Variants in BRCA2 observed in about 807,000 individuals in gnomAD.
The protein encoded by BRCA2 is BRCA2 DNA repair associated.
Under a neutral mutation model 276.7 loss-of-function variants are expected in BRCA2, and 203 were observed. The ratio of observed to expected loss-of-function variants is 0.73; its 90% CI spans 0.65 to 0.82. BRCA2 has a LOEUF of 0.82. Among genes scored for constraint, BRCA2 ranks in the 40% least tolerant of loss-of-function variants. The pLI is 0.00. For synonymous variants in BRCA2, 1,289 were observed against 1,338.4 expected (o/e 0.96, Z 0.81); for missense variants, 3,920 against 3,915.0 (o/e 1.00, Z -0.03).
rs56331088 is a variant in BRCA2 at position 32,336,845 on chromosome 13, C to T, written c.2490C>T (p.Asn830=). 97 of 1,605,130 alleles carry T rather than the reference C, an allele frequency of 6.0e-5. No homozygotes were observed. In the East Asian group the frequency reaches 1.9e-3, roughly 32 times the overall value. ...GTGCTTTAAATGAAAATTATAAAAACGTTGAGCTGTTGCCACCTGAAAAAT... is the reference window on the plus strand; with the variant it reads ...GTGCTTTAAATGAAAATTATAAAAATGTTGAGCTGTTGCCACCTGAAAAAT... ...DVCALNENYK[N]VELLPPEKYM... is the part of the protein sequence containing the mutation. The change falls in exon 11 of 27, where the codon AAC becomes AAT. Residue 830 remains asparagine, a synonymous_variant. Transcript: ENST00000380152.
rs80358885 is a variant in BRCA2, at chr13:32,340,887, C to G, written c.6532C>G (p.His2178Asp). 1.2e-6 allele frequency: 2 copies of G among 1,605,998 alleles called. No individual in the cohort carries two copies. Among genetic ancestry groups the G allele is most frequent in the Non-Finnish European group, 1.7e-6 (2 of 1,178,044 alleles). Residue 2178 changes from histidine to aspartate, a missense_variant, in exon 11 of 27, where the codon CAT becomes GAT. Physicochemically the swap from His to Asp is moderately conservative, Grantham distance 81. This residue lies in a region of BRCA2 where 3,263 missense variants were observed against 3,156.9 expected (regional missense o/e 1.03). Transcript: ENST00000380152. The part of the protein sequence containing the change: ...GTKVSLVENI[H>D]VLGKEQASPK... The stretch of plus-strand genomic sequence containing the variant: ...CAAAGTGTCACTTGTTGAGAACATT[C>G]ATGTTTTGGGAAAAGAACAGGCTTC...
chr13:32,380,231 C>G (rs2137626350), intron 24 of BRCA2, 86 bp downstream of exon 24: 1 of 1,412,574 alleles, frequency 7.1e-7, no homozygotes, highest in Middle Eastern at 2.3e-4. Context: ...TTGGAGCTAC[C>G]AGTTGGCAAA....
intron 16 of BRCA2, among the ~76,000 whole-genome samples, chr13:32,361,569 TAG>T (rs754329531): frequency 5.3e-5 from 8 of 151,960 alleles, no homozygotes; most frequent in Non-Finnish European, 1.2e-4. Flanking sequence ...CATTGTTCAG[TAG>T]AGAGGGAAAA....
chr13:32,337,684 A>T lies in BRCA2; in HGVS notation c.3329A>T (p.Glu1110Val), dbSNP rs587782072. The T allele has an allele frequency of 2.5e-6, 4 of 1,598,748 alleles. No homozygotes were observed. Among genetic ancestry groups the T allele is most frequent in the Non-Finnish European group, 3.4e-6 (4 of 1,173,862 alleles). Residue 1110 changes from glutamate (E) to valine (V), a missense_variant, in exon 11 of 27, where the codon GAA becomes GTA. Coordinates refer to ENST00000380152, the MANE Select transcript of BRCA2 (RefSeq NM_000059.4). ...AATTTAACACCTAGCCAAAAGGCAG[A>T]AATTACAGAACTTTCTACTATATTA... ...NHNLTPSQKA[E>V]ITELSTILEE...
At position 32,370,487 on chromosome 13, in the gene BRCA2, C is replaced by T. The variant is rs587782785; in HGVS notation, c.8417C>T (p.Ser2806Leu). The T allele has an allele frequency of 1.1e-4, 184 of 1,613,932 alleles. 2 individuals are homozygous for T. In the South Asian group the frequency reaches 1.9e-3, roughly 17 times the overall value. Residue 2806 changes from serine (S) to leucine (L), a missense_variant, in exon 19 of 27, where the codon TCA (serine) becomes TTA (leucine). Ser to Leu is a moderately radical substitution (Grantham distance 145). Around this residue, in one of 2 missense-constraint regions of BRCA2, gnomAD observed 657 missense variants for 758.2 expected, o/e 0.87. Transcript: ENST00000380152. ...PDPRPFPLPL[S>L]SLFSDGGNVG... ...CCTAGACCTTTTCCTCTGCCCTTAT[C>T]ATCGCTTTTCAGTGATGGAGGAAAT...
chr13:32,325,049 T>G (rs781377719), intron 3 of BRCA2, 27 bp from the exon 4 acceptor site: 1 of 1,441,124 alleles, frequency 6.9e-7, no homozygotes, highest in Non-Finnish European at 9.8e-7. Flanking sequence ...GTATATACAT[T>G]CTCACTGAAT....
rs398122722 is a variant in BRCA2, at chr13:32,332,544, T to A, written c.1066T>A (p.Ser356Thr). ...NQVKEKYSFV[S>T]EVEPNDTDPL... is the part of the protein sequence containing the mutation. ...AGTGAAAGAAAAATACTCATTTGTA[T>A]CTGAAGTGGAACCAAATGATACTGA... The change falls in exon 10 of 27, where the codon TCT (serine) becomes ACT (threonine). Residue 356 changes from serine to threonine, a missense_variant. By Grantham distance (58) the Ser-to-Thr change is moderately conservative. Transcript: ENST00000380152. 6.2e-7 allele frequency: 1 copy of A among 1,612,996 alleles called. No individual in the cohort carries two copies. Among genetic ancestry groups the A allele is most frequent in the Admixed American group, 1.7e-5 (1 of 59,830 alleles).
chr13:32,353,011 A>G (rs1310341421), intron 13 of BRCA2, among the ~76,000 whole-genome samples: 6 of 152,240 alleles, frequency 3.9e-5, no homozygotes, highest in Admixed American at 3.9e-4. Flanking sequence ...TAAAAGATCA[A>G]TCAATAGAAG....
intron 24 of BRCA2, among the ~76,000 whole-genome samples, chr13:32,383,710 G>A (rs1156491576): frequency 2.0e-5 from 3 of 152,112 alleles, no homozygotes; most frequent in Non-Finnish European, 4.4e-5. Context: ...ATTAGAAGAC[G>A]TGGATCAATG....
At position 32,380,051 on chromosome 13, in the gene BRCA2, C is replaced by T. The variant is rs778426874; in HGVS notation, c.9162C>T (p.Pro3054=). Residue 3054 remains proline, a synonymous_variant, in exon 24 of 27, where the codon CCC becomes CCT. Transcript: ENST00000380152. The part of the protein sequence containing the change: ...ILFQIYQPRE[P]LHFSKFLDPD... Reference sequence around the variant, plus strand: ...TTCAGATTTACCAGCCACGGGAGCCCCTTCACTTCAGCAAATTTTTAGATC... The same window carrying T: ...TTCAGATTTACCAGCCACGGGAGCCTCTTCACTTCAGCAAATTTTTAGATC... The T allele has an allele frequency of 1.2e-6, 2 of 1,614,040 alleles. No individual in the cohort carries two copies. The highest frequency in any genetic ancestry group is 1.7e-6 in the Non-Finnish European group (2 of 1,179,988).
At position 32,332,182 on chromosome 13, in the gene BRCA2, A is replaced by G. The variant is rs81002791; in HGVS notation, c.794-90A>G. 82 of 1,275,934 alleles carry G rather than the reference A, an allele frequency of 6.4e-5. No homozygotes were observed. The highest frequency in any genetic ancestry group is 8.3e-5 in the Non-Finnish European group (77 of 924,002). The allele number at this position is 1,275,934 out of a possible 1,614,324, so 79.0% of individuals were successfully genotyped here. A position where few individuals can be genotyped will look rare whatever the true frequency, so the allele number is the denominator to read the frequency against. Reference sequence around the variant, plus strand: ...ATATGTAATATTTAGCACATTCTACATAAACTGTTTCTATGAGAAAGGTTG... The same window carrying G: ...ATATGTAATATTTAGCACATTCTACGTAAACTGTTTCTATGAGAAAGGTTG... On this transcript the variant is annotated intron_variant, in intron 9 of 26. Transcript: ENST00000380152.
rs1555283400 is a variant in BRCA2 at position 32,338,155 on chromosome 13, A to G, written c.3800A>G (p.Asp1267Gly). The change falls in exon 11 of 27, where the codon GAT (aspartate) becomes GGT (glycine). Residue 1267 changes from aspartate (D) to glycine (G), a missense_variant. Physicochemically the swap from Asp to Gly is moderately conservative, Grantham distance 94. Coordinates refer to ENST00000380152, the MANE Select transcript of BRCA2 (RefSeq NM_000059.4). ...AGTTTATCTTCAAGTAAATGTCATG[A>G]TTCTGTTGTTTCAATGTTTAAGATA... ...PISLSSSKCH[D>G]SVVSMFKIEN... The G allele has an allele frequency of 6.3e-7, 1 of 1,596,448 alleles. No homozygotes were observed. The highest frequency in any genetic ancestry group is 2.2e-5 in the East Asian group (1 of 44,766).
rs1301902979 is a variant in BRCA2 at position 32,336,208 on chromosome 13, T to A, written c.1910-57T>A. The A allele has an allele frequency of 3.3e-6, 5 of 1,536,342 alleles. No individual in the cohort carries two copies. The East Asian group carries it at 1.1e-4, about 34-fold the overall frequency. On this transcript the variant is annotated intron_variant, in intron 10 of 26. Transcript: ENST00000380152. ...TACCTTTTTAACTTAGTGAAAAATA[T>A]TTAGTGAATGTGATTGATGGTACTT...
At chr13:32,318,977 A>G in intron 2 of BRCA2, 100 bp from the exon 3 acceptor site, 1 of 1,477,006 alleles carries the variant, frequency 6.8e-7, no homozygotes. Context: ...ATCCATAGTC[A>G]AGATCTTAAG....
At position 32,340,768 on chromosome 13, in the gene BRCA2, T is replaced by A. The variant is rs80358877; in HGVS notation, c.6413T>A (p.Val2138Asp). ...TTTAAATTATCAAATAACTTAAATG[T>A]TGAAGGTGGTTCTTCAGAAAATAAT... is the stretch of plus-strand genomic sequence containing the variant. ...KEFKLSNNLN[V>D]EGGSSENNHS... Residue 2138 changes from valine (V) to aspartate (D), a missense_variant, in exon 11 of 27, where the codon GTT (valine) becomes GAT (aspartate). Transcript: ENST00000380152. 9 of 1,598,050 alleles carry A rather than the reference T, an allele frequency of 5.6e-6. No homozygotes were observed. In the Admixed American group the frequency reaches 1.6e-4, roughly 29 times the overall value.
rs766080516 is a variant in BRCA2 at position 32,356,501 on chromosome 13, C to T, written c.7509C>T (p.Val2503=). Residue 2503 remains valine, a synonymous_variant, in exon 15 of 27, where the codon GTC becomes GTT. Coordinates refer to ENST00000380152, the MANE Select transcript of BRCA2 (RefSeq NM_000059.4). The part of the protein sequence containing the change: ...MRIKKKQRQR[V]FPQPGSLYLA... ...TTAAGAAGAAACAAAGGCAACGCGTCTTTCCACAGCCAGGCAGTCTGTATC... is the reference window on the plus strand; with the variant it reads ...TTAAGAAGAAACAAAGGCAACGCGTTTTTCCACAGCCAGGCAGTCTGTATC... 2 of 1,614,236 alleles carry T rather than the reference C, an allele frequency of 1.2e-6. No individual in the cohort carries two copies. The highest frequency in any genetic ancestry group is 1.7e-5 in the Admixed American group (1 of 60,030).
At chr13:32,336,182 C>T (rs2137481264) in intron 10 of BRCA2, 83 bp from the exon 11 acceptor site, 1 of 1,451,264 alleles carries the variant, frequency 6.9e-7, no homozygotes, top group Non-Finnish European at 9.3e-7. Context: ...TGCCCAAACA[C>T]TACCTTTTTA....
chr13:32,379,720 A>G (rs778141646), intron 22 of BRCA2, 30 bp from the exon 23 acceptor site: 1 of 1,596,714 alleles, frequency 6.3e-7, no homozygotes, highest in Non-Finnish European at 8.6e-7. Context: ...CACTTCTTCC[A>G]TTGCATCTTT....
chr13:32,355,414 A>T, intron 14 of BRCA2, 126 bp downstream of exon 14: 1 of 1,086,088 alleles, frequency 9.2e-7, no homozygotes, highest in Non-Finnish European at 1.3e-6. Flanking sequence ...AATGTTTTAG[A>T]TTTTCTAAAT....
Sources: allele counts gnomAD v4.1 joint callset (sites outside exome capture counted in the v4.1 genomes callset), GRCh38; gene constraint gnomAD v4.1.1; regional missense constraint gnomAD v4.1.1; transcripts MANE v1.5; gene names NCBI Gene and HGNC (gene_info 2026-07-23, HGNC 2026-07-21).